NMNAT2: variants seen among roughly 807,000 people sequenced by gnomAD.
NMNAT2 encodes nicotinamide/nicotinic acid mononucleotide adenylyltransferase 2.
In NMNAT2, 11 loss-of-function variants were observed where a neutral mutation model predicts 41.6. The observed-to-expected ratio is 0.26, with a 90% CI of 0.17 to 0.44. The LOEUF (loss-of-function observed/expected upper bound fraction) is 0.44, where lower values mean the gene tolerates loss of function less well. NMNAT2 is among the 20% of genes least tolerant of loss of function. The pLI is 1.00. For missense variants in NMNAT2, 288 were observed against 407.7 expected (o/e 0.71, Z 2.53); for synonymous variants, 148 against 151.2 (o/e 0.98, Z 0.16).
intron 1 of NMNAT2, among the ~76,000 whole-genome samples, chr1:183,306,713 C>T (rs1215318389): frequency 6.6e-6 from 1 of 152,146 alleles, no homozygotes; most frequent in African/African-American, 2.4e-5. Flanking sequence ...ACACGTGCCC[C>T]AAAATAAAGC....
Position 183,283,977 on chromosome 1 carries a change from T to C in NMNAT2, c.574+18A>G. On this transcript the variant is annotated intron_variant, in intron 7 of 10. Transcript: ENST00000287713. The stretch of plus-strand genomic sequence containing the variant: ...CTCCAAATGTCCCCATTTTCCGCAC[T>C]TTCGCAGTCCCACTCACCAATCTCT... 1 of 1,613,812 alleles carries C rather than the reference T, an allele frequency of 6.2e-7. No homozygotes were observed. The highest frequency in any genetic ancestry group is 8.5e-7 in the Non-Finnish European group (1 of 1,179,760).
At chr1:183,359,655 C>G (rs1024192996) in intron 1 of NMNAT2, among the ~76,000 whole-genome samples, 1 of 152,092 alleles carries the variant, frequency 6.6e-6, no homozygotes, top group Admixed American at 6.6e-5. Flanking sequence ...GGAGACAGCT[C>G]GGGTTGTTGG....
At chr1:183,254,346 CG>C (rs1384285911) in intron 10 of NMNAT2, among the ~76,000 whole-genome samples, 2 of 152,046 alleles carry the variant, frequency 1.3e-5, no homozygotes, top group Non-Finnish European at 2.9e-5. Flanking sequence ...AGTAATGTTG[CG>C]CATCTTTTTA....
chr1:183,270,105 C>T (rs941663562), intron 8 of NMNAT2, among the ~76,000 whole-genome samples: 8 of 152,224 alleles, frequency 5.3e-5, no homozygotes, highest in Admixed American at 2.6e-4. Flanking sequence ...AGGATAGTCT[C>T]GATCTCCTGA....
At chr1:183,386,683 T>G (rs548967039) in intron 1 of NMNAT2, among the ~76,000 whole-genome samples, 1 of 152,290 alleles carries the variant, frequency 6.6e-6, no homozygotes, top group African/African-American at 2.4e-5. Flanking sequence ...TATTCTGCCT[T>G]TTTCACTTGA....
chr1:183,293,969 A>T (rs1661613396), intron 1 of NMNAT2, among the ~76,000 whole-genome samples, 176 bp from the exon 2 acceptor site: 1 of 152,206 alleles, frequency 6.6e-6, no homozygotes, highest in Non-Finnish European at 1.5e-5. Flanking sequence ...AGGTTACAGA[A>T]CCAGATTTCA....
intron 1 of NMNAT2, among the ~76,000 whole-genome samples, chr1:183,342,151 T>A (rs1169770890): frequency 6.6e-6 from 1 of 151,566 alleles, no homozygotes; most frequent in Admixed American, 6.6e-5. Flanking sequence ...AAAGTCTCCA[T>A]AGTGCTGGCT....
chr1:183,401,618 A>G (rs1648810545), intron 1 of NMNAT2, among the ~76,000 whole-genome samples: 2 of 152,020 alleles, frequency 1.3e-5, no homozygotes. Flanking sequence ...ATGCACAAGT[A>G]TGTTTATTGT....
chr1:183,382,116 G>A (rs981659944), intron 1 of NMNAT2, among the ~76,000 whole-genome samples: 1 of 152,240 alleles, frequency 6.6e-6, no homozygotes, highest in Non-Finnish European at 1.5e-5. Flanking sequence ...GACTGAGGAA[G>A]CCTCAGGAAA....
intron 1 of NMNAT2, among the ~76,000 whole-genome samples, chr1:183,341,737 A>AC (rs1662816549): frequency 7.5e-6 from 1 of 134,112 alleles, no homozygotes; most frequent in Non-Finnish European, 1.5e-5. Context: ...AAAAAAAAAA[A>AC]AAAAAAAAAA....
rs201905963 is a variant in NMNAT2, at chr1:183,250,200, A to C, written c.*2441T>G. 1 of 152,204 alleles carries C rather than the reference A, an allele frequency of 6.6e-6. No individual in the cohort carries two copies. Among genetic ancestry groups the C allele is most frequent in the Non-Finnish European group, 1.5e-5 (1 of 68,054 alleles). 9.4% of individuals were successfully genotyped at this position (152,204 alleles called of 1,614,324 possible). A position where few individuals can be genotyped will look rare whatever the true frequency, so the allele number is the denominator to read the frequency against. On this transcript the variant is annotated 3_prime_UTR_variant, in exon 11 of 11. Coordinates refer to ENST00000287713, the MANE Select transcript of NMNAT2 (RefSeq NM_015039.4). ...CCTGGCTTATGACTGTTCTGCCTGG[A>C]CAAGGCTGTTCCATCTTTCGCTCTC...
chr1:183,366,474 C>T (rs1663416710), intron 1 of NMNAT2, among the ~76,000 whole-genome samples: 1 of 152,220 alleles, frequency 6.6e-6, no homozygotes, highest in African/African-American at 2.4e-5. Context: ...CTGCTAGCCA[C>T]TGTTGATTCC....
chr1:183,362,494 T>C (rs995104476), intron 1 of NMNAT2, among the ~76,000 whole-genome samples: 6 of 152,248 alleles, frequency 3.9e-5, no homozygotes, highest in African/African-American at 1.4e-4. Flanking sequence ...TTGCCTATTC[T>C]GGACATTTCA....
At chr1:183,335,228 C>G (rs1003443270) in intron 1 of NMNAT2, among the ~76,000 whole-genome samples, 3 of 152,222 alleles carry the variant, frequency 2.0e-5, no homozygotes, top group Non-Finnish European at 2.9e-5. Context: ...TAGATCCCGT[C>G]TCTGTTAACA....
chr1:183,278,241 AT>A (rs962052252), intron 8 of NMNAT2, among the ~76,000 whole-genome samples: 13 of 151,732 alleles, frequency 8.6e-5, no homozygotes, highest in African/African-American at 1.2e-4. Flanking sequence ...AAGGGCAAAG[AT>A]TTTTTTTTCT....
intron 7 of NMNAT2, among the ~76,000 whole-genome samples, chr1:183,279,910 C>T (rs1661216025): frequency 1.3e-5 from 2 of 152,320 alleles, no homozygotes; most frequent in Admixed American, 6.5e-5. Flanking sequence ...GCCCCAGGGT[C>T]TGGCAGAGTC....
At chr1:183,340,105 C>T (rs1662763479) in intron 1 of NMNAT2, among the ~76,000 whole-genome samples, 1 of 152,212 alleles carries the variant, frequency 6.6e-6, no homozygotes, top group South Asian at 2.1e-4. Flanking sequence ...GCAAGGGCCT[C>T]AGGCTAGAGA....
intron 1 of NMNAT2, among the ~76,000 whole-genome samples, chr1:183,396,704 C>T (rs973736065): frequency 2.0e-5 from 3 of 152,154 alleles, no homozygotes; most frequent in African/African-American, 7.2e-5. Flanking sequence ...GGTCAAACTG[C>T]ACATTTGATC....
In NMNAT2 at chr1:183,412,056, G is replaced by A. The variant is rs572812613; in HGVS notation, c.85+6127C>T. On this transcript the variant is annotated intron_variant, in intron 1 of 10. Coordinates refer to ENST00000287713, the MANE Select transcript of NMNAT2 (RefSeq NM_015039.4). Reference sequence around the variant, plus strand: ...GCTAAGAATGAAGTGGAAGAGATGCGTTAGGGTGGAGGTGGGGGGCAGAGT... The same window carrying A: ...GCTAAGAATGAAGTGGAAGAGATGCATTAGGGTGGAGGTGGGGGGCAGAGT... 9.2e-5 allele frequency among the ~76,000 whole-genome samples: 14 copies of A among 152,326 alleles called. No individual in the cohort carries two copies. The South Asian group carries it at 1.2e-3, about 14-fold the overall frequency.
Sources: allele counts gnomAD v4.1 joint callset (sites outside exome capture counted in the v4.1 genomes callset), GRCh38; gene constraint gnomAD v4.1.1; transcripts MANE v1.5; gene names NCBI Gene and HGNC (gene_info 2026-07-23, HGNC 2026-07-21).